TCERG1L: variants seen among roughly 807,000 people sequenced by gnomAD.
The protein encoded by TCERG1L is transcription elongation regulator 1 like.
In TCERG1L, 37 loss-of-function variants were observed where a neutral mutation model predicts 56.3. The ratio of observed to expected loss-of-function variants is 0.66; its 90% confidence interval spans 0.51 to 0.87. The LOEUF (loss-of-function observed/expected upper bound fraction) is 0.87. TCERG1L is among the 40% of genes least tolerant of loss of function. TCERG1L has a pLI of 0.00. For missense variants in TCERG1L, 799 were observed against 774.2 expected (o/e 1.03, Z -0.38); for synonymous variants, 324 against 326.3 (o/e 0.99, Z 0.08).
At position 131,311,628 on chromosome 10, in the gene TCERG1L, G is replaced by T; in HGVS notation, c.8C>A (p.Ala3Glu). The T allele has an allele frequency of 2.6e-6, 3 of 1,135,306 alleles. No individual in the cohort carries two copies. Among genetic ancestry groups the T allele is most frequent in the Non-Finnish European group, 3.2e-6 (3 of 927,254 alleles). The allele number at this position is 1,135,306 out of a possible 1,614,324, so 70.3% of individuals were successfully genotyped here. A position where few individuals can be genotyped will look rare whatever the true frequency, so the allele number is the denominator to read the frequency against. ...CCGCCGCCGCTGGAACCTGGCGCCC[G>T]CCTGCATCCTACATCCCCGCGCTGA... MQ[A>E]GARFQRRRRQ... The change falls in exon 1 of 12, where the codon GCG becomes GAG. Residue 3 changes from alanine (A) to glutamate (E), a missense_variant. Transcript: ENST00000368642. The surrounding 1 kb of genome is among the most constrained non-coding windows in gnomAD (Gnocchi z 4.0).
Position 131,166,364 on chromosome 10 carries a change from C to T in TCERG1L, c.945+433G>A, listed in dbSNP as rs111560919. On this transcript the variant is annotated intron_variant, in intron 5 of 11. Transcript: ENST00000368642. The stretch of plus-strand genomic sequence containing the variant: ...AGGAAGGACTGTACTATTGAAAACA[C>T]GAAATGCTTCAAATGCACTGTCTTG... 3.6e-4 allele frequency among the ~76,000 whole-genome samples: 55 copies of T among 152,366 alleles called. 1 individual carries two copies. The highest frequency in any genetic ancestry group is 1.3e-3 in the African/African-American group (54 of 41,592).
At position 131,093,312 on chromosome 10, in the gene TCERG1L, C is replaced by T. The variant is rs373129269; in HGVS notation, c.1611G>A (p.Thr537=). Residue 537 remains threonine, a synonymous_variant, in exon 12 of 12, where the codon ACG becomes ACA. Transcript: ENST00000368642. ...LEESKVSPRT[T]FKEFAEKYGR... ...CGTATTTCTCTGCAAACTCCTTAAA[C>T]GTGGTCCTGAAAAAGAAAGAGTTTC... 4.3e-5 allele frequency: 69 copies of T among 1,612,374 alleles called. No homozygotes were observed. Among genetic ancestry groups the T allele is most frequent in the South Asian group, 4.0e-4 (36 of 90,652 alleles).
chr10:131,131,398 A>G (rs893321832), intron 8 of TCERG1L, among the ~76,000 whole-genome samples: 1 of 152,222 alleles, frequency 6.6e-6, no homozygotes, highest in Non-Finnish European at 1.5e-5. Flanking sequence ...AGAAACTGGC[A>G]GCACCTCCAG....
chr10:131,162,010 T>G (rs990344625), intron 6 of TCERG1L: 1 of 152,078 alleles, frequency 6.6e-6, no homozygotes, highest in Non-Finnish European at 1.5e-5. Context: ...ACCACTGAAG[T>G]GGAGAGGAGG....
intron 3 of TCERG1L, among the ~76,000 whole-genome samples, chr10:131,292,616 G>A (rs949402436): frequency 1.3e-5 from 2 of 152,094 alleles, no homozygotes; most frequent in Non-Finnish European, 2.9e-5. Flanking sequence ...TGTTCTCCTC[G>A]GAGTCTGGGA....
intron 4 of TCERG1L, among the ~76,000 whole-genome samples, chr10:131,258,712 A>C (rs767399078): frequency 4.5e-4 from 68 of 152,350 alleles, no homozygotes; most frequent in South Asian, 1.0e-3. Flanking sequence ...CAGGACAGAT[A>C]ACGTTGGTGC....
At chr10:131,151,659 A>C (rs533305370) in intron 6 of TCERG1L, among the ~76,000 whole-genome samples, 2 of 152,120 alleles carry the variant, frequency 1.3e-5, no homozygotes, top group African/African-American at 4.8e-5. Context: ...TCTGGAGGAC[A>C]ATGGCCTTCT....
chr10:131,248,992 G>A (rs1846074923), intron 4 of TCERG1L, among the ~76,000 whole-genome samples: 1 of 152,206 alleles, frequency 6.6e-6, no homozygotes, highest in African/African-American at 2.4e-5. Flanking sequence ...GGATGGAGCT[G>A]ACCTGGTGCA....
At chr10:131,115,070 G>A (rs930764512) in intron 9 of TCERG1L, among the ~76,000 whole-genome samples, 1 of 152,254 alleles carries the variant, frequency 6.6e-6, no homozygotes. Flanking sequence ...CCCTGAACCT[G>A]ACCCTGCTCC....
chr10:131,169,760 A>G (rs1306952027), intron 4 of TCERG1L, among the ~76,000 whole-genome samples: 1 of 152,190 alleles, frequency 6.6e-6, no homozygotes, highest in African/African-American at 2.4e-5. Context: ...GCACGTCTGT[A>G]TCTTCTACGA....
intron 4 of TCERG1L, among the ~76,000 whole-genome samples, chr10:131,175,568 G>A (rs562450732): frequency 5.4e-4 from 82 of 152,204 alleles, no homozygotes; most frequent in Non-Finnish European, 9.8e-4. Flanking sequence ...CTCAATACAC[G>A]TGTGTTTAAT....
Position 131,309,834 on chromosome 10 carries a change from C to CAAAAAAAAAAA in TCERG1L, c.343-546_343-536dup, listed in dbSNP as rs58892586. Reference sequence around the variant, plus strand: ...TCACCAATACAAATAGATTCTATGGCAAAAAAAAAAAAAAAAAAAAAAAAA... The same window carrying CAAAAAAAAAAA: ...TCACCAATACAAATAGATTCTATGGCAAAAAAAAAAAAAAAAAAAAAAAAAAAAAAAAAAAA... On this transcript the variant is annotated intron_variant, in intron 1 of 11. Transcript: ENST00000368642. Among the ~76,000 whole-genome samples the CAAAAAAAAAAA allele has an allele frequency of 4.1e-3, 203 of 49,848 alleles. 20 individuals carry two copies. The highest frequency in any genetic ancestry group is 4.7e-3 in the Non-Finnish European group (136 of 28,712). 32.7% of individuals were successfully genotyped at this position (49,848 alleles called of 152,430 possible).
chr10:131,273,542 C>T (rs1229652279), intron 3 of TCERG1L, among the ~76,000 whole-genome samples: 1 of 152,238 alleles, frequency 6.6e-6, no homozygotes, highest in East Asian at 1.9e-4. Context: ...CAAAGTGAAA[C>T]GCAGTGGTGG....
chr10:131,195,042 C>A (rs1251409030), intron 4 of TCERG1L, among the ~76,000 whole-genome samples: 1 of 152,174 alleles, frequency 6.6e-6, no homozygotes, highest in Non-Finnish European at 1.5e-5. Context: ...CCTTTTAGTG[C>A]CCATGGACTC....
In TCERG1L at chr10:131,156,044, C is replaced by T. The variant is rs1018506685; in HGVS notation, c.1034+7078G>A. 14 of 152,212 alleles carry T rather than the reference C, an allele frequency of 9.2e-5. 1 individual carries two copies. The highest frequency in any genetic ancestry group is 2.4e-4 in the African/African-American group (10 of 41,450). The allele number at this position is 152,212 out of a possible 1,614,324, so 9.4% of individuals were successfully genotyped here. A position where few individuals can be genotyped will look rare whatever the true frequency, so the allele number is the denominator to read the frequency against. ...CTCAAAGAAGACCGATGCGTCCTCC[C>T]TCAGCTTAGCGAGTGCAACTGCAAG... On this transcript the variant is annotated intron_variant, in intron 6 of 11. Transcript: ENST00000368642.
Position 131,093,177 on chromosome 10 carries a change from C to T in TCERG1L, c.1746G>A (p.Leu582=). 2 of 1,612,774 alleles carry T rather than the reference C, an allele frequency of 1.2e-6. No homozygotes were observed. Among genetic ancestry groups the T allele is most frequent in the African/African-American group, 1.3e-5 (1 of 74,934 alleles). The change falls in exon 12 of 12, where the codon CTG becomes CTA. Residue 582 remains leucine, a synonymous_variant. Coordinates refer to ENST00000368642, the MANE Select transcript of TCERG1L (RefSeq NM_174937.4). ...TTTCACAAACTCATCTCATTTTCCGCAGCCTTAGTCTGTTTTCCTTGTCCC... is the reference window on the plus strand; with the variant it reads ...TTTCACAAACTCATCTCATTTTCCGTAGCCTTAGTCTGTTTTCCTTGTCCC... The part of the protein sequence containing the change: ...KKRDKENRLR[L]RKMR
chr10:131,194,426 T>G (rs977185795), intron 4 of TCERG1L, among the ~76,000 whole-genome samples: 20 of 152,290 alleles, frequency 1.3e-4, no homozygotes, highest in African/African-American at 4.3e-4. Context: ...ACTGTGGGTT[T>G]GTTTGGGTTA....
chr10:131,203,466 T>C (rs1436629117), intron 4 of TCERG1L, among the ~76,000 whole-genome samples: 2 of 152,200 alleles, frequency 1.3e-5, no homozygotes, highest in Non-Finnish European at 2.9e-5. Flanking sequence ...ACATCCAAGC[T>C]GGCCCCAATC....
intron 4 of TCERG1L, among the ~76,000 whole-genome samples, chr10:131,177,196 A>T (rs1435646267): frequency 6.6e-6 from 1 of 152,250 alleles, no homozygotes; most frequent in Non-Finnish European, 1.5e-5. Flanking sequence ...ACACACAAAG[A>T]CACATGCAGA....
Sources: gnomAD v4.1 joint callset for allele counts (sites outside exome capture counted in the v4.1 genomes callset) on GRCh38, gnomAD v4.1.1 for gene constraint, Gnocchi (gnomAD v3.1) non-coding constraint, MANE v1.5 for transcripts, NCBI Gene and HGNC (gene_info 2026-07-23, HGNC 2026-07-21) for gene names.